DACH2: variants seen among roughly 807,000 people sequenced by gnomAD.
DACH2 encodes dachshund homolog 2.
DACH2 carries 17 observed loss-of-function variants against 35.8 expected under a neutral mutation model. The observed-to-expected ratio is 0.48, with a 90% CI of 0.33 to 0.71. DACH2 has a LOEUF of 0.71. DACH2 is among the 30% of genes least tolerant of loss of function. The pLI is 0.02. For missense variants in DACH2, 469 were observed against 472.7 expected, an observed-to-expected ratio of 0.99 and a Z score of 0.07; for synonymous variants, 195 against 177.3, an observed-to-expected ratio of 1.10 and a Z score of -0.79.
intron 1 of DACH2, among the ~76,000 whole-genome samples, chrX:86,277,453 T>C (rs753030103): frequency 7.1e-4 from 80 of 112,426 alleles, no homozygotes; most frequent in Non-Finnish European, 1.1e-3. Flanking sequence ...TTAATGGGCA[T>C]TTCTTGCTTT....
At chrX:86,270,758 G>T (rs2033801563) in intron 1 of DACH2, among the ~76,000 whole-genome samples, 1 of 111,726 alleles carries the variant, frequency 9.0e-6, no homozygotes, top group South Asian at 3.7e-4. Flanking sequence ...AAGACAGGGT[G>T]TAGACTTAAC....
intron 3 of DACH2, among the ~76,000 whole-genome samples, chrX:86,534,598 C>T (rs2038770649): frequency 9.0e-6 from 1 of 111,666 alleles, no homozygotes; most frequent in Admixed American, 9.5e-5. Flanking sequence ...CTCCACTTGG[C>T]TTTCTTTCTA....
intron 3 of DACH2, among the ~76,000 whole-genome samples, chrX:86,610,007 C>T (rs1247583914): frequency 9.0e-6 from 1 of 111,714 alleles, no homozygotes; most frequent in African/African-American, 3.3e-5. Context: ...TTACAATCAG[C>T]AGTTGGCAAA....
chrX:86,432,435 C>T (rs192862601), intron 2 of DACH2, among the ~76,000 whole-genome samples: 2 of 112,120 alleles, frequency 1.8e-5, no homozygotes, highest in Non-Finnish European at 3.8e-5. Context: ...AAGAGAGTTA[C>T]TGCCATTAGT....
chrX:86,747,239 G>A (rs2041722835), intron 7 of DACH2, among the ~76,000 whole-genome samples: 1 of 111,461 alleles, frequency 9.0e-6, no homozygotes, highest in Admixed American at 9.6e-5. Flanking sequence ...TTACAACAAG[G>A]ATTCTATTGA....
At chrX:86,818,934 T>C (rs978965394) in intron 11 of DACH2, among the ~76,000 whole-genome samples, 1 of 108,900 alleles carries the variant, frequency 9.2e-6, no homozygotes, top group Non-Finnish European at 1.9e-5. Context: ...AATTTCCACA[T>C]GGGTTTTAGT....
intron 7 of DACH2, among the ~76,000 whole-genome samples, chrX:86,756,627 T>C (rs953764564): frequency 9.0e-6 from 1 of 111,526 alleles, no homozygotes; most frequent in Non-Finnish European, 1.9e-5. Flanking sequence ...AGATCTAAGA[T>C]TTTTTGGTGA....
intron 1 of DACH2, among the ~76,000 whole-genome samples, chrX:86,346,368 G>A (rs1338162003): frequency 2.8e-5 from 3 of 107,617 alleles, no homozygotes; most frequent in South Asian, 8.0e-4. Context: ...TATCACTTTC[G>A]CATCTCAGGA....
chrX:86,369,470 T>C, intron 1 of DACH2, among the ~76,000 whole-genome samples: 1 of 111,010 alleles, frequency 9.0e-6, no homozygotes, highest in South Asian at 3.8e-4. Flanking sequence ...ATTAAGAGCA[T>C]GTCCAGGCCA....
intron 7 of DACH2, among the ~76,000 whole-genome samples, chrX:86,767,464 G>A (rs1053770096): frequency 1.8e-5 from 2 of 111,749 alleles, no homozygotes; most frequent in African/African-American, 6.5e-5. Flanking sequence ...TACCAGAAAT[G>A]CAGGTTGGTA....
chrX:86,751,534 C>A (rs1420024315), intron 7 of DACH2, among the ~76,000 whole-genome samples: 2 of 111,065 alleles, frequency 1.8e-5, no homozygotes, highest in Non-Finnish European at 3.8e-5. Flanking sequence ...ATAATAAGAG[C>A]CACCTATGCT....
At chrX:86,470,831 T>G (rs2037750478) in intron 2 of DACH2, among the ~76,000 whole-genome samples, 1 of 111,562 alleles carries the variant, frequency 9.0e-6, no homozygotes, top group South Asian at 3.7e-4. Flanking sequence ...AGAGGTTTTT[T>G]TGCAGTGCTA....
At chrX:86,286,885 A>C (rs937481363) in intron 1 of DACH2, among the ~76,000 whole-genome samples, 1 of 112,154 alleles carries the variant, frequency 8.9e-6, no homozygotes, top group Non-Finnish European at 1.9e-5. Context: ...TAGTGTTTCT[A>C]TATAAAGTAA....
chrX:86,613,856 C>T (rs1488465216), intron 3 of DACH2, among the ~76,000 whole-genome samples: 1 of 111,653 alleles, frequency 9.0e-6, no homozygotes, highest in African/African-American at 3.2e-5. Flanking sequence ...TACTTTCATA[C>T]TTAAGATCTA....
intron 7 of DACH2, among the ~76,000 whole-genome samples, chrX:86,774,576 G>A (rs1428589489): frequency 9.0e-6 from 1 of 111,702 alleles, no homozygotes; most frequent in East Asian, 2.8e-4. Context: ...ATTACTTGCT[G>A]TTATATTTTG....
intron 2 of DACH2, among the ~76,000 whole-genome samples, chrX:86,406,903 A>T (rs2036535977): frequency 8.9e-6 from 1 of 112,197 alleles, no homozygotes; most frequent in African/African-American, 3.2e-5. Flanking sequence ...AGTTTGCTTT[A>T]AATCCAAAGA....
chrX:86,457,790 G>A (rs777341331), intron 2 of DACH2, among the ~76,000 whole-genome samples: 2 of 111,942 alleles, frequency 1.8e-5, no homozygotes, highest in South Asian at 3.7e-4. Flanking sequence ...GAGTAGATGC[G>A]TGGGCAAGTA....
chrX:86,717,281 C>T (rs999367223), intron 6 of DACH2, among the ~76,000 whole-genome samples: 2 of 111,041 alleles, frequency 1.8e-5, no homozygotes, highest in Non-Finnish European at 3.8e-5. Flanking sequence ...ACTTTACACT[C>T]CTGTGTACAC....
rs765247233 is a variant in DACH2, at chrX:86,690,316, C to T, written c.773-4705C>T. 3.6e-5 allele frequency among the ~76,000 whole-genome samples: 4 copies of T among 111,590 alleles called. No individual in the cohort carries two copies. The East Asian group carries it at 1.1e-3, about 32-fold the overall frequency. The stretch of plus-strand genomic sequence containing the variant: ...TTGCTATTGCTTTTCACAAACCTGA[C>T]CATAATAAGCATTGTGTTATTAGAA... On this transcript the variant is annotated intron_variant, in intron 4 of 11. Coordinates refer to ENST00000373125, the MANE Select transcript of DACH2 (RefSeq NM_053281.3).
Sources: allele counts gnomAD v4.1 joint callset (sites outside exome capture counted in the v4.1 genomes callset), GRCh38; gene constraint gnomAD v4.1.1; transcripts MANE v1.5; gene names NCBI Gene and HGNC (gene_info 2026-07-23, HGNC 2026-07-21).